The following MARCHF1 variants were observed in gnomAD, a reference collection of about 807,000 sequenced individuals.
MARCHF1 encodes E3 ubiquitin-protein ligase MARCHF1.
A neutral mutation model predicts 54.2 loss-of-function variants in MARCHF1; 40 were observed. That is an observed-to-expected ratio of 0.74 (90% CI 0.57 to 0.96). MARCHF1 has a LOEUF of 0.96. MARCHF1 is among the 40% of genes least tolerant of loss of function. The pLI, the probability that MARCHF1 is intolerant of heterozygous loss-of-function variation, is 0.00. For missense variants in MARCHF1, 586 were observed against 656.5 expected, an observed-to-expected ratio of 0.89 and a Z score of 1.17; for synonymous variants, 236 against 236.3, an observed-to-expected ratio of 1.00 and a Z score of 0.01.
intron 5 of MARCHF1, among the ~76,000 whole-genome samples, chr4:163,621,362 G>A (rs962382112): frequency 1.3e-5 from 2 of 152,096 alleles, no homozygotes; most frequent in East Asian, 1.9e-4. Context: ...AATCTGTGAG[G>A]AATGGACCTG....
chr4:163,809,377 T>G (rs1748320574), intron 4 of MARCHF1, among the ~76,000 whole-genome samples: 1 of 152,214 alleles, frequency 6.6e-6, no homozygotes, highest in African/African-American at 2.4e-5. Context: ...CTGTGACATT[T>G]GCATTTTATA....
chr4:164,070,147 A>C (rs1418673605), intron 2 of MARCHF1, among the ~76,000 whole-genome samples: 1 of 152,200 alleles, frequency 6.6e-6, no homozygotes, highest in Non-Finnish European at 1.5e-5. Context: ...TGTTGATTGA[A>C]AAACTATTTT....
intron 2 of MARCHF1, among the ~76,000 whole-genome samples, chr4:164,110,642 A>C (rs754239821): frequency 6.6e-6 from 1 of 150,456 alleles, no homozygotes; most frequent in Non-Finnish European, 1.5e-5. Context: ...CGATCCCTCC[A>C]TTCATTTACT....
intron 3 of MARCHF1, among the ~76,000 whole-genome samples, chr4:163,963,444 T>A (rs1463443438): frequency 1.3e-5 from 2 of 151,898 alleles, no homozygotes; most frequent in Non-Finnish European, 2.9e-5. Flanking sequence ...CCTTAGTGAA[T>A]TACAGTTTAT....
chr4:164,187,703 T>A, intron 1 of MARCHF1, among the ~76,000 whole-genome samples: 1 of 152,134 alleles, frequency 6.6e-6, no homozygotes, highest in East Asian at 1.9e-4. Flanking sequence ...CAGTTGTAGG[T>A]AAATAAAGAG....
intron 3 of MARCHF1, among the ~76,000 whole-genome samples, chr4:163,859,993 G>A (rs1274828420): frequency 6.6e-6 from 1 of 152,140 alleles, no homozygotes; most frequent in Non-Finnish European, 1.5e-5. Context: ...GAGACTTCCA[G>A]TTTAAGCTAT....
intron 4 of MARCHF1, among the ~76,000 whole-genome samples, chr4:163,774,590 C>T (rs967896696): frequency 6.7e-6 from 1 of 148,752 alleles, no homozygotes; most frequent in Non-Finnish European, 1.5e-5. Context: ...CTCCATCTTC[C>T]GGGTTCAAGC....
intron 4 of MARCHF1, among the ~76,000 whole-genome samples, chr4:163,766,453 G>T (rs1290296011): frequency 1.3e-5 from 2 of 152,132 alleles, no homozygotes; most frequent in African/African-American, 4.8e-5. Flanking sequence ...ATAAGTGGCT[G>T]AATATGGCTA....
chr4:164,204,157 TA>T (rs1417205695), intron 1 of MARCHF1, among the ~76,000 whole-genome samples: 1 of 152,166 alleles, frequency 6.6e-6, no homozygotes, highest in East Asian at 1.9e-4. Flanking sequence ...AGATAGGTGC[TA>T]AATTGAAGTA....
At chr4:164,176,976 CTCTCTATATA>C (rs1276034360) in intron 1 of MARCHF1, among the ~76,000 whole-genome samples, 1,593 of 32,610 alleles carry the variant, frequency 0.049, 46 homozygotes, top group Non-Finnish European at 0.066. Flanking sequence ...CTCTCTCTCT[CTCTCTATATA>C]TATATATATA....
At chr4:164,142,931 T>A (rs931805680) in intron 1 of MARCHF1, among the ~76,000 whole-genome samples, 3 of 151,824 alleles carry the variant, frequency 2.0e-5, no homozygotes, top group Non-Finnish European at 4.4e-5. Context: ...TGAAAAAAAT[T>A]TAGAAGAATG....
At chr4:164,199,681 C>G (rs4521305) in intron 1 of MARCHF1, among the ~76,000 whole-genome samples, 11,744 of 45,798 alleles carry the variant, frequency 0.26, 1,064 homozygotes, top group East Asian at 0.43. Flanking sequence ...CACACACACA[C>G]AGAGAGAGAG....
At chr4:164,363,766 C>CATGTGTGTGTGTGTGTGTGTGTGT (rs1554004696) in intron 1 of MARCHF1, among the ~76,000 whole-genome samples, 2 of 150,100 alleles carry the variant, frequency 1.3e-5, no homozygotes, top group African/African-American at 2.4e-5. Flanking sequence ...ATTAATAAGC[C>CATGTGTGTGTGTGTGTGTGTGTGT]GTGTGTGTGT....
intron 3 of MARCHF1, among the ~76,000 whole-genome samples, chr4:163,869,716 A>C (rs1003907740): frequency 6.6e-6 from 1 of 152,122 alleles, no homozygotes; most frequent in Non-Finnish European, 1.5e-5. Flanking sequence ...AAGGCAATTA[A>C]ATAATATTAA....
intron 4 of MARCHF1, among the ~76,000 whole-genome samples, chr4:163,782,384 C>T (rs1747489138): frequency 6.6e-6 from 1 of 152,022 alleles, no homozygotes; most frequent in African/African-American, 2.4e-5. Flanking sequence ...TTGAAAGGTC[C>T]AGCAGGCCGG....
chr4:163,915,762 C>T (rs1054288373), intron 3 of MARCHF1, among the ~76,000 whole-genome samples: 1 of 152,014 alleles, frequency 6.6e-6, no homozygotes, highest in Non-Finnish European at 1.5e-5. Context: ...GTTTATTGAT[C>T]CATATTTATG....
intron 8 of MARCHF1, among the ~76,000 whole-genome samples, chr4:163,570,958 A>G (rs894161823): frequency 6.6e-6 from 1 of 152,136 alleles, no homozygotes; most frequent in Non-Finnish European, 1.5e-5. Flanking sequence ...GATATAAAGT[A>G]AATTGTCTGT....
At chr4:164,061,412 AAAAAGT>A (rs1754612017) in intron 2 of MARCHF1, among the ~76,000 whole-genome samples, 1 of 151,512 alleles carries the variant, frequency 6.6e-6, no homozygotes, top group South Asian at 2.1e-4. Context: ...AGCCACCAAG[AAAAAGT>A]AAGTCACACA....
At chr4:163,883,965 C>G (rs1397623484) in intron 3 of MARCHF1, among the ~76,000 whole-genome samples, 1 of 152,130 alleles carries the variant, frequency 6.6e-6, no homozygotes, top group African/African-American at 2.4e-5. Flanking sequence ...GAATCACATG[C>G]ACTGTGATTA....
Sources: allele counts gnomAD v4.1 joint callset (sites outside exome capture counted in the v4.1 genomes callset), GRCh38; gene constraint gnomAD v4.1.1; transcripts MANE v1.5; gene names NCBI Gene and HGNC (gene_info 2026-07-23, HGNC 2026-07-21).